The following OPA1 variants were observed in gnomAD, a reference collection of about 807,000 sequenced individuals.
OPA1 encodes the protein dynamin-like GTPase OPA1, mitochondrial.
A neutral mutation model predicts 152.9 loss-of-function variants in OPA1; 59 were observed. The ratio of observed to expected loss-of-function variants is 0.39; its 90% CI spans 0.31 to 0.48. OPA1 has a LOEUF of 0.48. Ranked by LOEUF, OPA1 falls within the 20% of genes least tolerant of loss-of-function variation. The probability of loss-of-function intolerance (pLI) is 0.96; values close to 1 mark genes in which losing one functional copy is unlikely to be tolerated. For missense variants in OPA1, 1,008 were observed against 1,216.8 expected (o/e 0.83, Z 2.55); for synonymous variants, 400 against 389.9 (o/e 1.03, Z -0.31).
intron 4 of OPA1, 108 bp from the exon 5 acceptor site, chr3:193,617,676 C>G: frequency 1.2e-6 from 1 of 814,924 alleles, no homozygotes; most frequent in Non-Finnish European, 2.1e-6. Context: ...GCATATTTGC[C>G]CAATTATTGC....
Position 193,594,710 on chromosome 3 carries a change from C to T in OPA1, c.32+1301C>T, listed in dbSNP as rs148744475. Among the ~76,000 whole-genome samples the T allele has an allele frequency of 4.6e-5, 7 of 152,236 alleles. No individual in the cohort carries two copies. In the East Asian group the frequency reaches 1.4e-3, roughly 29 times the overall value. On this transcript the variant is annotated intron_variant, in intron 1 of 30. Coordinates refer to ENST00000361510, the MANE Select transcript of OPA1 (RefSeq NM_130837.3). ...GCCCAATTTGTTTTATATAGGTTAA[C>T]TGGAGTCCAAAATACAGAACTAGAT...
chr3:193,599,421 T>C (rs142507070), intron 1 of OPA1, among the ~76,000 whole-genome samples: 36 of 152,044 alleles, frequency 2.4e-4, no homozygotes, highest in African/African-American at 3.4e-4. Context: ...TTGTACTTTT[T>C]TGGTTTTCTT....
chr3:193,651,483 A>G (rs1712429189), intron 21 of OPA1, among the ~76,000 whole-genome samples: 3 of 152,356 alleles, frequency 2.0e-5, no homozygotes, highest in South Asian at 4.1e-4. Context: ...TTACATTGCT[A>G]GGAATATATG....
At chr3:193,644,335 G>A (rs1186465021) in intron 16 of OPA1, among the ~76,000 whole-genome samples, 2 of 152,088 alleles carry the variant, frequency 1.3e-5, no homozygotes, top group Non-Finnish European at 2.9e-5. Flanking sequence ...AGACTCTACT[G>A]GGCACATTTA....
chr3:193,624,527 G>A lies in OPA1; in HGVS notation c.679-1565G>A, dbSNP rs73067668. Among the ~76,000 whole-genome samples the A allele has an allele frequency of 1.9e-3, 292 of 152,172 alleles. 2 individuals are homozygous for A. Among genetic ancestry groups the A allele is most frequent in the African/African-American group, 6.7e-3 (280 of 41,528 alleles). ...GTTACTCTTCTTTCTGCTTGATAAA[G>A]CAATAATTTTTTTTAAAGGTAAAAA... On this transcript the variant is annotated intron_variant, in intron 6 of 30. Coordinates refer to ENST00000361510, the MANE Select transcript of OPA1 (RefSeq NM_130837.3).
chr3:193,626,041 C>T, intron 6 of OPA1, 51 bp from the exon 7 acceptor site: 1 of 1,388,324 alleles, frequency 7.2e-7, no homozygotes, highest in South Asian at 1.2e-5. Context: ...CTTGGTTTAA[C>T]ATTATTCTCC....
At chr3:193,660,705 T>G (rs182551017) in intron 25 of OPA1, among the ~76,000 whole-genome samples, 2 of 152,282 alleles carry the variant, frequency 1.3e-5, no homozygotes, top group Admixed American at 6.5e-5. Context: ...TTTACTATTT[T>G]TTTTTTTGGT....
At chr3:193,661,529 T>G (rs1031226106) in intron 25 of OPA1, among the ~76,000 whole-genome samples, 33 of 152,188 alleles carry the variant, frequency 2.2e-4, no homozygotes, top group African/African-American at 8.0e-4. Context: ...AGGTCTCACA[T>G]CGTAAGTTCA....
Position 193,664,887 on chromosome 3 carries a change from A to T in OPA1, c.2669A>T (p.Asp890Val). 2 of 1,532,410 alleles carry T rather than the reference A, an allele frequency of 1.3e-6. No homozygotes were observed. 94.9% of individuals were successfully genotyped at this position (1,532,410 alleles called of 1,614,324 possible). The change falls in exon 27 of 31, where the codon GAT (aspartate) becomes GTT (valine). Residue 890 changes from aspartate (D) to valine (V), a missense_variant. By Grantham distance (152) the Asp-to-Val change is radical. Coordinates refer to ENST00000361510, the MANE Select transcript of OPA1 (RefSeq NM_130837.3). Reference protein sequence around the residue: ...GVEVDPSLIKDTWHQVYRRHF... With the variant: ...GVEVDPSLIKVTWHQVYRRHF... ...TCTTTTTTCTCATTTTAGATTAAGG[A>T]TACTTGGCATCAAGTTTATAGAAGA...
intron 3 of OPA1, among the ~76,000 whole-genome samples, chr3:193,616,947 C>T (rs946465461): frequency 1.3e-5 from 2 of 152,196 alleles, no homozygotes; most frequent in Admixed American, 6.5e-5. Context: ...AGTACCACAG[C>T]GTAGTGGCTG....
intron 8 of OPA1, among the ~76,000 whole-genome samples, chr3:193,633,299 G>C (rs1732395560): frequency 6.6e-6 from 1 of 152,214 alleles, no homozygotes. Flanking sequence ...AGATAATTCT[G>C]ATGCATTCTA....
intron 6 of OPA1, among the ~76,000 whole-genome samples, chr3:193,622,579 C>CT (rs1730336893): frequency 6.6e-6 from 1 of 152,046 alleles, no homozygotes; most frequent in African/African-American, 2.4e-5. Context: ...TATCTCTTTT[C>CT]TTTTTTCCCG....
At position 193,593,453 on chromosome 3, in the gene OPA1, T is replaced by C. The variant is rs376453051; in HGVS notation, c.32+44T>C. 53 of 1,497,256 alleles carry C rather than the reference T, an allele frequency of 3.5e-5. No individual in the cohort carries two copies. The African/African-American group carries it at 7.4e-4, about 21-fold the overall frequency. The allele number at this position is 1,497,256 out of a possible 1,614,324, so 92.7% of individuals were successfully genotyped here. A position where few individuals can be genotyped will look rare whatever the true frequency, so the allele number is the denominator to read the frequency against. ...CTGGCCCCGTTAATTCTGGGGCCTC[T>C]TGAGAGTGGGGCTGTCTTATCTCTA... On this transcript the variant is annotated intron_variant, in intron 1 of 30. Transcript: ENST00000361510.
intron 6 of OPA1, among the ~76,000 whole-genome samples, chr3:193,619,279 T>C (rs1037864173): frequency 6.6e-6 from 1 of 152,202 alleles, no homozygotes; most frequent in Non-Finnish European, 1.5e-5. Flanking sequence ...TACTGTAATA[T>C]ACTCATGCGC....
At chr3:193,631,791 A>G (rs959663073) in intron 8 of OPA1, 126 bp downstream of exon 8, 3 of 770,744 alleles carry the variant, frequency 3.9e-6, no homozygotes, top group Non-Finnish European at 4.6e-6. Context: ...GAACCTTATT[A>G]TTATCGATAG....
At chr3:193,688,507 CTCGCTATG>C (rs1303256718) in intron 29 of OPA1, among the ~76,000 whole-genome samples, 1 of 94,050 alleles carries the variant, frequency 1.1e-5, no homozygotes, top group Non-Finnish European at 2.0e-5. Flanking sequence ...GAGACAGAGT[CTCGCTATG>C]TCACCAGGCT....
intron 29 of OPA1, among the ~76,000 whole-genome samples, chr3:193,689,329 AC>A (rs1721368279): frequency 6.6e-6 from 1 of 151,902 alleles, no homozygotes; most frequent in South Asian, 2.1e-4. Context: ...CACACCTCCT[AC>A]CCCCATTACT....
intron 11 of OPA1, among the ~76,000 whole-genome samples, chr3:193,641,477 T>C (rs1000605570): frequency 6.6e-6 from 1 of 152,076 alleles, no homozygotes; most frequent in African/African-American, 2.4e-5. Context: ...GTTTTGGAGG[T>C]TTATTTCTGC....
chr3:193,647,965 T>A (rs1734961944), intron 19 of OPA1, 105 bp from the exon 20 acceptor site: 1 of 802,216 alleles, frequency 1.2e-6, no homozygotes, highest in East Asian at 2.6e-5. Context: ...ATAGGCGCAC[T>A]CTCAGAAATT....
Sources: allele counts gnomAD v4.1 joint callset (sites outside exome capture counted in the v4.1 genomes callset), GRCh38; gene constraint gnomAD v4.1.1; transcripts MANE v1.5; gene names NCBI Gene and HGNC (gene_info 2026-07-23, HGNC 2026-07-21).